CDIN1: variants seen among roughly 807,000 people sequenced by gnomAD.
The protein encoded by CDIN1 is CDAN1 interacting nuclease 1.
A neutral mutation model predicts 45.3 loss-of-function variants in CDIN1; 33 were observed. The ratio of observed to expected loss-of-function variants is 0.73; its 90% CI spans 0.55 to 0.97. The LOEUF (loss-of-function observed/expected upper bound fraction) is 0.97, where lower values mean the gene tolerates loss of function less well. Among genes scored for constraint, CDIN1 ranks in the 50% least tolerant of loss-of-function variants. The probability of loss-of-function intolerance (pLI) is 0.00; values close to 1 mark genes in which losing one functional copy is unlikely to be tolerated. For missense variants in CDIN1, 303 were observed against 339.4 expected (o/e 0.89, Z 0.84); for synonymous variants, 118 against 124.4 (o/e 0.95, Z 0.34).
chr15:36,631,093 G>A (rs899078841), intron 1 of CDIN1, among the ~76,000 whole-genome samples: 1 of 152,112 alleles, frequency 6.6e-6, no homozygotes, highest in Non-Finnish European at 1.5e-5. Flanking sequence ...TTGAAGGACT[G>A]AACAATGGTC....
chr15:36,609,181 T>C (rs2038528308), intron 1 of CDIN1, among the ~76,000 whole-genome samples: 1 of 152,098 alleles, frequency 6.6e-6, no homozygotes, highest in Admixed American at 6.5e-5. Context: ...CCTGGCCTAG[T>C]TTTTAAAATT....
At chr15:36,599,509 A>C (rs1425981112) in intron 1 of CDIN1, among the ~76,000 whole-genome samples, 4 of 152,178 alleles carry the variant, frequency 2.6e-5, no homozygotes, top group Non-Finnish European at 5.9e-5. Flanking sequence ...AATTTTAGTA[A>C]GTGTATTAAA....
chr15:36,613,677 G>T (rs1248381137), intron 1 of CDIN1: 2 of 1,445,886 alleles, frequency 1.4e-6, no homozygotes, highest in Admixed American at 1.7e-5. Flanking sequence ...GCTCAGGAGC[G>T]CCTGGCTACT....
chr15:36,700,726 G>A (rs2042600003), intron 8 of CDIN1, among the ~76,000 whole-genome samples: 1 of 151,492 alleles, frequency 6.6e-6, no homozygotes, highest in African/African-American at 2.4e-5. Flanking sequence ...TCATGCAAAC[G>A]TGGAGCCTTC....
chr15:36,629,010 A>G (rs79353806), intron 1 of CDIN1, among the ~76,000 whole-genome samples: 14 of 152,194 alleles, frequency 9.2e-5, no homozygotes, highest in Admixed American at 2.0e-4. Context: ...TGATGTGTCC[A>G]CAAGCTAAGG....
intron 1 of CDIN1, among the ~76,000 whole-genome samples, chr15:36,629,188 C>G (rs769846526): frequency 1.1e-4 from 16 of 152,122 alleles, no homozygotes; most frequent in Non-Finnish European, 2.2e-4. Flanking sequence ...TTTTAATCCA[C>G]CAAGTTTTTG....
At chr15:36,786,873 ACCCAC>A (rs2054504840) in intron 10 of CDIN1, among the ~76,000 whole-genome samples, 1 of 151,608 alleles carries the variant, frequency 6.6e-6, no homozygotes, top group Non-Finnish European at 1.5e-5. Flanking sequence ...GACCCTTCAA[ACCCAC>A]TCTTGACTTC....
chr15:36,587,411 GA>G (rs1022782789), intron 1 of CDIN1, among the ~76,000 whole-genome samples: 4 of 124,744 alleles, frequency 3.2e-5, no homozygotes, highest in Non-Finnish European at 7.2e-5. Context: ...CTCTTTACCA[GA>G]AAATGAGTTG....
intron 10 of CDIN1, among the ~76,000 whole-genome samples, chr15:36,721,770 TTC>T (rs140313300): frequency 9.2e-4 from 136 of 148,282 alleles, no homozygotes; most frequent in Non-Finnish European, 9.3e-4. Context: ...TTCCTGGAAT[TTC>T]TCTCTCTCTC....
chr15:36,664,835 C>T (rs558564134), intron 5 of CDIN1, among the ~76,000 whole-genome samples: 73 of 152,322 alleles, frequency 4.8e-4, no homozygotes, highest in Non-Finnish European at 8.7e-4. Context: ...CCTGAGCCAC[C>T]GCGCCCAGCC....
chr15:36,653,328 G>A (rs2040646410), intron 3 of CDIN1, among the ~76,000 whole-genome samples: 2 of 152,072 alleles, frequency 1.3e-5, no homozygotes, highest in African/African-American at 4.8e-5. Context: ...GGCTGGCAGA[G>A]TAGAGTAGGT....
At chr15:36,687,387 T>G (rs1378081747) in intron 5 of CDIN1, among the ~76,000 whole-genome samples, 1 of 151,952 alleles carries the variant, frequency 6.6e-6, no homozygotes, top group Non-Finnish European at 1.5e-5. Flanking sequence ...AAAATTAACA[T>G]TAGAAAATAA....
At chr15:36,625,639 G>T (rs1448313445) in intron 1 of CDIN1, among the ~76,000 whole-genome samples, 1 of 152,202 alleles carries the variant, frequency 6.6e-6, no homozygotes, top group East Asian at 1.9e-4. Context: ...GTTTTCTGTG[G>T]AAGTTTTTAG....
At chr15:36,672,794 T>C (rs1293368782) in intron 5 of CDIN1, among the ~76,000 whole-genome samples, 1 of 140,630 alleles carries the variant, frequency 7.1e-6, no homozygotes, top group Non-Finnish European at 1.6e-5. Flanking sequence ...TGTTACTTCT[T>C]TAAAAAAAAA....
chr15:36,796,359 G>C (rs1462366434), intron 10 of CDIN1, among the ~76,000 whole-genome samples: 1 of 152,158 alleles, frequency 6.6e-6, no homozygotes, highest in East Asian at 1.9e-4. Flanking sequence ...AATAAATCTG[G>C]AGTAGTCAGT....
intron 10 of CDIN1, among the ~76,000 whole-genome samples, chr15:36,733,872 C>G (rs1350221224): frequency 6.6e-6 from 1 of 152,052 alleles, no homozygotes; most frequent in Non-Finnish European, 1.5e-5. Context: ...ATGCAAGGTA[C>G]TTTGTAGGGC....
chr15:36,796,938 T>C (rs1481828346), intron 10 of CDIN1, among the ~76,000 whole-genome samples: 1 of 152,242 alleles, frequency 6.6e-6, no homozygotes, highest in Non-Finnish European at 1.5e-5. Context: ...TTTGCTATCA[T>C]GACTCTTTGA....
chr15:36,735,977 A>G (rs1367262247), intron 10 of CDIN1, among the ~76,000 whole-genome samples: 1 of 152,188 alleles, frequency 6.6e-6, no homozygotes, highest in Non-Finnish European at 1.5e-5. Context: ...TGGTCATAGG[A>G]TTTAGTTGCT....
At chr15:36,807,556 T>C (rs937699322) in intron 10 of CDIN1, among the ~76,000 whole-genome samples, 5 of 152,166 alleles carry the variant, frequency 3.3e-5, no homozygotes, top group African/African-American at 1.2e-4. Context: ...ATAGGGCCAC[T>C]TCCTGAGTCT....
Sources: gnomAD v4.1 joint callset for allele counts (sites outside exome capture counted in the v4.1 genomes callset) on GRCh38, gnomAD v4.1.1 for gene constraint, MANE v1.5 for transcripts, NCBI Gene and HGNC (gene_info 2026-07-23, HGNC 2026-07-21) for gene names.